The following MMP16 variants were observed in gnomAD, a reference collection of about 807,000 sequenced individuals.
The protein encoded by MMP16 is matrix metalloproteinase-16.
MMP16 carries 12 observed loss-of-function variants against 67.8 expected under a neutral mutation model. The ratio of observed to expected loss-of-function variants is 0.18; its 90% confidence interval spans 0.11 to 0.29. The LOEUF is 0.29. MMP16 is among the 10% of genes least tolerant of loss of function. MMP16 has a pLI of 1.00. For synonymous variants in MMP16, 249 were observed against 255.9 expected (o/e 0.97, Z 0.26); for missense variants, 475 against 765.7 (o/e 0.62, Z 4.48).
intron 1 of MMP16, among the ~76,000 whole-genome samples, chr8:88,286,793 G>A (rs1432775870): frequency 3.3e-5 from 5 of 151,680 alleles, no homozygotes; most frequent in Non-Finnish European, 7.4e-5. Flanking sequence ...GGATGGTCTT[G>A]ATCTCCTGAC....
chr8:88,064,340 C>A (rs1808437051), intron 7 of MMP16, among the ~76,000 whole-genome samples: 2 of 152,026 alleles, frequency 1.3e-5, no homozygotes, highest in African/African-American at 4.8e-5. Flanking sequence ...TTTATATATT[C>A]TTTGAGAAAA....
At chr8:88,132,829 C>A (rs955160151) in intron 4 of MMP16, among the ~76,000 whole-genome samples, 4 of 151,872 alleles carry the variant, frequency 2.6e-5, no homozygotes, top group African/African-American at 9.7e-5. Context: ...GTTACTCCAA[C>A]ACCAGTAACA....
chr8:88,100,844 G>A (rs1450874182), intron 6 of MMP16, among the ~76,000 whole-genome samples: 1 of 151,940 alleles, frequency 6.6e-6, no homozygotes, highest in Non-Finnish European at 1.5e-5. Flanking sequence ...GGATGAAGCT[G>A]GAAAGTATCA....
At chr8:88,315,234 T>A (rs1811358737) in intron 1 of MMP16, among the ~76,000 whole-genome samples, 1 of 152,226 alleles carries the variant, frequency 6.6e-6, no homozygotes, top group Admixed American at 6.5e-5. Context: ...TACCATTTTT[T>A]CCCAGAGCAT....
chr8:88,056,350 T>A, intron 7 of MMP16, 72 bp from the exon 8 acceptor site: 4 of 665,078 alleles, frequency 6.0e-6, no homozygotes, highest in Non-Finnish European at 8.4e-6. Context: ...ATTAACACAT[T>A]TAAAATTATA....
chr8:88,111,324 G>A (rs1429647719), intron 6 of MMP16, among the ~76,000 whole-genome samples: 1 of 151,664 alleles, frequency 6.6e-6, no homozygotes, highest in Middle Eastern at 3.2e-3. Context: ...GACCAATGCA[G>A]ACCTGTGAAA....
chr8:88,165,836 C>A (rs1808702666), intron 4 of MMP16, among the ~76,000 whole-genome samples: 1 of 152,038 alleles, frequency 6.6e-6, no homozygotes, highest in African/African-American at 2.4e-5. Flanking sequence ...AATTAGCCAG[C>A]ATGTAAACAT....
intron 1 of MMP16, among the ~76,000 whole-genome samples, chr8:88,236,704 G>A (rs998245414): frequency 2.2e-4 from 33 of 152,096 alleles, no homozygotes; most frequent in Non-Finnish European, 4.1e-4. Flanking sequence ...AGCCGAGATC[G>A]CACCACTGCA....
chr8:88,094,087 T>G (rs1808984947), intron 6 of MMP16, among the ~76,000 whole-genome samples: 1 of 151,850 alleles, frequency 6.6e-6, no homozygotes, highest in Admixed American at 6.6e-5. Flanking sequence ...GAACTCTTTA[T>G]TTTACATATA....
rs1223329997 is a variant in MMP16 at position 88,041,925 on chromosome 8, A to G, written c.1490-130T>C. 4 of 711,732 alleles carry G rather than the reference A, an allele frequency of 5.6e-6. No individual in the cohort carries two copies. Among genetic ancestry groups the G allele is most frequent in the African/African-American group, 1.8e-5 (1 of 55,780 alleles). 44.1% of individuals were successfully genotyped at this position (711,732 alleles called of 1,614,324 possible). On this transcript the variant is annotated intron_variant, in intron 9 of 9. Transcript: ENST00000286614. The surrounding 1 kb of genome is among the most constrained non-coding windows in gnomAD (Gnocchi z 6.0). Reference sequence around the variant, plus strand: ...GGCCCTTTAATTTTCATAGGAAGAAAACACTATTTTCAGCTCAGCTGTCTG... The same window carrying G: ...GGCCCTTTAATTTTCATAGGAAGAAGACACTATTTTCAGCTCAGCTGTCTG...
chr8:88,325,731 T>C (rs1811525616), intron 1 of MMP16, among the ~76,000 whole-genome samples: 1 of 151,908 alleles, frequency 6.6e-6, no homozygotes, highest in African/African-American at 2.4e-5. Flanking sequence ...CCTTTTTAGT[T>C]TTCAAATTGG....
At chr8:88,074,782 G>A (rs1808617599) in intron 6 of MMP16, 39 bp from the exon 7 acceptor site, 3 of 1,593,370 alleles carry the variant, frequency 1.9e-6, no homozygotes, top group Middle Eastern at 1.7e-4. Context: ...CAAACACGTA[G>A]GCCTCCCTGG....
intron 1 of MMP16, among the ~76,000 whole-genome samples, chr8:88,300,823 C>T (rs1382070052): frequency 6.6e-6 from 1 of 151,952 alleles, no homozygotes; most frequent in Non-Finnish European, 1.5e-5. Context: ...TGAGGAAAGG[C>T]CCTTTTTTTT....
intron 6 of MMP16, among the ~76,000 whole-genome samples, chr8:88,110,226 T>C (rs1809311174): frequency 6.6e-6 from 1 of 151,270 alleles, no homozygotes; most frequent in African/African-American, 2.4e-5. Flanking sequence ...GGTAACTGAG[T>C]CCATTCTTAC....
intron 1 of MMP16, among the ~76,000 whole-genome samples, chr8:88,316,534 G>T (rs1161724523): frequency 6.6e-6 from 1 of 152,132 alleles, no homozygotes; most frequent in Non-Finnish European, 1.5e-5. Context: ...TTTACAGCAT[G>T]GTTTACTGAG....
chr8:88,278,454 G>C (rs55865288), intron 1 of MMP16, among the ~76,000 whole-genome samples: 4 of 152,280 alleles, frequency 2.6e-5, no homozygotes, highest in Non-Finnish European at 4.4e-5. Context: ...GGAAGCATAA[G>C]AAGTATAAGG....
intron 6 of MMP16, among the ~76,000 whole-genome samples, chr8:88,115,065 C>A (rs532115311): frequency 6.6e-6 from 1 of 152,034 alleles, no homozygotes; most frequent in Admixed American, 6.6e-5. Context: ...CTTAGATAGA[C>A]AGGAATAATG....
intron 1 of MMP16, among the ~76,000 whole-genome samples, chr8:88,316,411 A>T (rs372395515): frequency 1.2e-4 from 18 of 152,278 alleles, no homozygotes; most frequent in African/African-American, 4.3e-4. Context: ...GGCAACTTTA[A>T]GTTGAAGCTA....
At chr8:88,103,645 C>T (rs1031795663) in intron 6 of MMP16, among the ~76,000 whole-genome samples, 1 of 151,758 alleles carries the variant, frequency 6.6e-6, no homozygotes, top group African/African-American at 2.4e-5. Context: ...GTGCTAACTG[C>T]CTTTTATGGC....
Sources: gnomAD v4.1 joint callset for allele counts (sites outside exome capture counted in the v4.1 genomes callset) on GRCh38, gnomAD v4.1.1 for gene constraint, Gnocchi (gnomAD v3.1) non-coding constraint, MANE v1.5 for transcripts, NCBI Gene and HGNC (gene_info 2026-07-23, HGNC 2026-07-21) for gene names.